The following MYT1L variants were observed in gnomAD, a reference collection of about 807,000 sequenced individuals.
The protein encoded by MYT1L is myelin transcription factor 1 like, also known as myelin transcription factor 1-like protein.
A neutral mutation model predicts 126.7 loss-of-function variants in MYT1L; 12 were observed. The ratio of observed to expected loss-of-function variants is 0.09; its 90% confidence interval spans 0.06 to 0.15. MYT1L has a LOEUF of 0.15. Ranked by LOEUF, MYT1L falls within the 10% of genes least tolerant of loss-of-function variation. The pLI is 1.00. For missense variants in MYT1L, 979 were observed against 1,585.2 expected (o/e 0.62, Z 6.49); for synonymous variants, 541 against 604.2 (o/e 0.90, Z 1.53).
At chr2:2,175,868 T>G (rs561028481) in intron 2 of MYT1L, among the ~76,000 whole-genome samples, 2 of 152,342 alleles carry the variant, frequency 1.3e-5, no homozygotes, top group Non-Finnish European at 2.9e-5. Flanking sequence ...CTTCCGCCTG[T>G]TTCTGTAGCT....
intron 3 of MYT1L, among the ~76,000 whole-genome samples, chr2:2,069,603 G>A (rs1032777838): frequency 6.6e-6 from 1 of 151,974 alleles, no homozygotes; most frequent in African/African-American, 2.4e-5. Flanking sequence ...GGGATTGTTG[G>A]CTCAAGTGGT....
chr2:2,293,251 A>G (rs1261724389), intron 1 of MYT1L, among the ~76,000 whole-genome samples: 3 of 152,202 alleles, frequency 2.0e-5, no homozygotes, highest in African/African-American at 7.2e-5. Context: ...AAGAAAAAGA[A>G]CAAGAACAGC....
At chr2:2,184,385 G>A (rs1559264289) in intron 2 of MYT1L, among the ~76,000 whole-genome samples, 1 of 152,198 alleles carries the variant, frequency 6.6e-6, no homozygotes, top group Non-Finnish European at 1.5e-5. Flanking sequence ...GCCCATAAAG[G>A]TTGGGACAGA....
intron 3 of MYT1L, among the ~76,000 whole-genome samples, chr2:2,090,806 C>T (rs1232870054): frequency 6.6e-6 from 1 of 152,146 alleles, no homozygotes; most frequent in Non-Finnish European, 1.5e-5. Flanking sequence ...ATTCTAAATT[C>T]TTGTTGTTGA....
chr2:1,823,844 T>C (rs923788152), intron 21 of MYT1L, among the ~76,000 whole-genome samples: 14 of 152,378 alleles, frequency 9.2e-5, no homozygotes, highest in East Asian at 1.9e-4. Flanking sequence ...TTTACATTTA[T>C]ATTTACTGAA....
In MYT1L at chr2:1,979,592, A is replaced by G; in HGVS notation, c.56-38T>C. ...GGAAATAGATAAAAATTTACCATCT[A>G]TCACAAGCGACCCTCTTCCACAGAA... On this transcript the variant is annotated intron_variant, in intron 6 of 24. Transcript: ENST00000647738. The surrounding 1 kb of genome is among the most constrained non-coding windows in gnomAD (Gnocchi z 4.0). 1 of 1,609,328 alleles carries G rather than the reference A, an allele frequency of 6.2e-7. No homozygotes were observed. Among genetic ancestry groups the G allele is most frequent in the Non-Finnish European group, 8.5e-7 (1 of 1,175,598 alleles).
At position 2,163,303 on chromosome 2, in the gene MYT1L, C is replaced by G. The variant is rs115026364; in HGVS notation, c.-304+9569G>C. ...GCTAAGATGCTATCTCTTACCCTAC[C>G]TGCCTCAGTTATACTTATTCATATT... On this transcript the variant is annotated intron_variant, in intron 3 of 24. Transcript: ENST00000647738. Among the ~76,000 whole-genome samples, 1,341 of 152,322 alleles carry G rather than the reference C, an allele frequency of 8.8e-3. 16 individuals are homozygous for G. Among genetic ancestry groups the G allele is most frequent in the African/African-American group, 0.031 (1,271 of 41,566 alleles).
intron 2 of MYT1L, among the ~76,000 whole-genome samples, chr2:2,185,638 C>T (rs2092049535): frequency 7.2e-6 from 1 of 139,226 alleles, no homozygotes; most frequent in Non-Finnish European, 1.5e-5. Flanking sequence ...GTGAGGCGGA[C>T]GCAGCCGGGC....
intron 3 of MYT1L, among the ~76,000 whole-genome samples, chr2:2,161,726 T>TC (rs2087960632): frequency 6.6e-6 from 1 of 152,184 alleles, no homozygotes; most frequent in Admixed American, 6.5e-5. Context: ...CCCAGCAGCC[T>TC]CAGAGGTGGA....
chr2:1,794,992 G>A (rs2033138594), intron 23 of MYT1L, among the ~76,000 whole-genome samples: 1 of 152,170 alleles, frequency 6.6e-6, no homozygotes. Flanking sequence ...GTATCTGCCA[G>A]GTCTTGCAGC....
intron 22 of MYT1L, among the ~76,000 whole-genome samples, chr2:1,807,641 G>A (rs551022511): frequency 6.6e-6 from 1 of 152,160 alleles, no homozygotes; most frequent in African/African-American, 2.4e-5. Context: ...CTGGGCTTCT[G>A]CTGTGAAGGG....
intron 2 of MYT1L, among the ~76,000 whole-genome samples, chr2:2,256,195 C>T (rs2094807776): frequency 6.6e-6 from 1 of 152,224 alleles, no homozygotes; most frequent in Non-Finnish European, 1.5e-5. Context: ...ACATGGCACG[C>T]TGCTCAAAGA....
intron 8 of MYT1L, among the ~76,000 whole-genome samples, chr2:1,961,676 T>G (rs1232901950): frequency 6.6e-6 from 1 of 152,246 alleles, no homozygotes; most frequent in Non-Finnish European, 1.5e-5. Context: ...ATGTCTATGA[T>G]TTTAAAATTG....
At position 1,955,710 on chromosome 2, in the gene MYT1L, A is replaced by G. The variant is rs143819845; in HGVS notation, c.153-12376T>C. Among the ~76,000 whole-genome samples the G allele has an allele frequency of 5.1e-3, 770 of 152,344 alleles. 2 individuals carry two copies. The highest frequency in any genetic ancestry group is 0.018 in the African/African-American group (729 of 41,584). On this transcript the variant is annotated intron_variant, in intron 8 of 24. Coordinates refer to ENST00000647738, the MANE Select transcript of MYT1L (RefSeq NM_001303052.2). ...TTAATTTCTGTGGCAATGGTCAGTTACAAGCTGCCATGTCTGCACTTTTTT... is the reference window on the plus strand; with the variant it reads ...TTAATTTCTGTGGCAATGGTCAGTTGCAAGCTGCCATGTCTGCACTTTTTT...
At chr2:2,308,964 C>A (rs893470097) in intron 1 of MYT1L, among the ~76,000 whole-genome samples, 10 of 151,876 alleles carry the variant, frequency 6.6e-5, no homozygotes, top group Non-Finnish European at 1.3e-4. Context: ...TCCACCTACA[C>A]TTTATTATAT....
At chr2:2,053,217 C>T (rs1303313141) in intron 4 of MYT1L, among the ~76,000 whole-genome samples, 1 of 152,134 alleles carries the variant, frequency 6.6e-6, no homozygotes, top group Non-Finnish European at 1.5e-5. Context: ...GTCATATTCA[C>T]AGAGAGAGAA....
At chr2:2,319,625 T>C (rs2096126107) in intron 1 of MYT1L, among the ~76,000 whole-genome samples, 1 of 152,130 alleles carries the variant, frequency 6.6e-6, no homozygotes, top group Non-Finnish European at 1.5e-5. Context: ...GAAGTGCTGA[T>C]TACCCAGGAA....
At chr2:2,264,061 G>A (rs2095059632) in intron 2 of MYT1L, among the ~76,000 whole-genome samples, 1 of 152,320 alleles carries the variant, frequency 6.6e-6, no homozygotes, top group African/African-American at 2.4e-5. Context: ...GCTCAGGAAA[G>A]TTAACTTGCT....
intron 4 of MYT1L, among the ~76,000 whole-genome samples, chr2:2,024,011 ACT>A (rs765256908): frequency 6.6e-6 from 1 of 151,942 alleles, no homozygotes; most frequent in Non-Finnish European, 1.5e-5. Flanking sequence ...GAAAACTTGG[ACT>A]CTCTTCCGAG....
Sources: gnomAD v4.1 joint callset for allele counts (sites outside exome capture counted in the v4.1 genomes callset) on GRCh38, gnomAD v4.1.1 for gene constraint, Gnocchi (gnomAD v3.1) non-coding constraint, MANE v1.5 for transcripts, NCBI Gene and HGNC (gene_info 2026-07-23, HGNC 2026-07-21) for gene names.